The following KANSL1L variants were observed in gnomAD, a reference collection of about 807,000 sequenced individuals.
KANSL1L encodes KAT8 regulatory NSL complex subunit 1 like.
In KANSL1L, 25 loss-of-function variants were observed where a neutral mutation model predicts 108.6. The ratio of observed to expected loss-of-function variants is 0.23; its 90% CI spans 0.17 to 0.32. The LOEUF is 0.32. Ranked by LOEUF, KANSL1L falls within the 10% of genes least tolerant of loss-of-function variation. The pLI is 1.00. For synonymous variants in KANSL1L, 405 were observed against 395.1 expected, an observed-to-expected ratio of 1.03 and a Z score of -0.30; for missense variants, 1,137 against 1,125.7, an observed-to-expected ratio of 1.01 and a Z score of -0.14.
intron 8 of KANSL1L, among the ~76,000 whole-genome samples, chr2:210,039,786 G>A (rs2094144656): frequency 6.6e-6 from 1 of 151,760 alleles, no homozygotes; most frequent in African/African-American, 2.4e-5. Flanking sequence ...CATTAAATGA[G>A]TATGTAAAAG....
rs374282159 is a variant in KANSL1L at position 210,025,294 on chromosome 2, C to T, written c.2452-78G>A. The T allele has an allele frequency of 4.9e-4, 405 of 828,878 alleles. 3 individuals carry two copies. The African/African-American group carries it at 6.2e-3, about 13-fold the overall frequency. 51.3% of individuals were successfully genotyped at this position (828,878 alleles called of 1,614,324 possible). A position where few individuals can be genotyped will look rare whatever the true frequency, so the allele number is the denominator to read the frequency against. On this transcript the variant is annotated intron_variant, in intron 12 of 14. Transcript: ENST00000281772. Reference sequence around the variant, plus strand: ...AGATCAGGCTGGGCACGGTGGCTCACGCCTGTAATCCCAACACTTTGGAAG... The same window carrying T: ...AGATCAGGCTGGGCACGGTGGCTCATGCCTGTAATCCCAACACTTTGGAAG...
At chr2:210,056,321 C>T (rs1051800776) in intron 6 of KANSL1L, among the ~76,000 whole-genome samples, 1 of 152,204 alleles carries the variant, frequency 6.6e-6, no homozygotes, top group African/African-American at 2.4e-5. Flanking sequence ...GCAAATTGCA[C>T]TGTAAAAGGA....
Position 210,098,193 on chromosome 2 carries a change from A to T in KANSL1L, c.1443T>A (p.Thr481=). 3.1e-6 allele frequency: 5 copies of T among 1,611,966 alleles called. No homozygotes were observed. Among genetic ancestry groups the T allele is most frequent in the South Asian group, 1.1e-5 (1 of 90,840 alleles). ...GGGCAATCAAACTGTTGATGATCTCAGTCAACTGTGCACTCTGCAAGGAAA... is the reference window on the plus strand; with the variant it reads ...GGGCAATCAAACTGTTGATGATCTCTGTCAACTGTGCACTCTGCAAGGAAA... ...RNIEKQSAQL[T]EIINSLIAPL... The change falls in exon 5 of 15, where the codon ACT becomes ACA. Residue 481 remains threonine (T), a synonymous_variant. Coordinates refer to ENST00000281772, the MANE Select transcript of KANSL1L (RefSeq NM_152519.4).
At position 210,104,180 on chromosome 2, in the gene KANSL1L, T is replaced by C; in HGVS notation, c.1352A>G (p.Gln451Arg). Residue 451 changes from glutamine (Q) to arginine (R), a missense_variant, in exon 4 of 15, where the codon CAA (glutamine) becomes CGA (arginine). Physicochemically the swap from Gln to Arg is conservative, Grantham distance 43 (BLOSUM62 1). This residue lies in a region of KANSL1L where 556 missense variants were observed against 537.7 expected (regional missense o/e 1.03). Transcript: ENST00000281772. ...AAAATCTTGTTCCGGTACAGGATCT[T>C]GACACTCCTGGGGAACCTGAGGATT... The part of the protein sequence containing the change: ...LGNPQVPQEC[Q>R]DPVPEQDFEM... The C allele has an allele frequency of 6.2e-7, 1 of 1,613,992 alleles. No individual in the cohort carries two copies. Among genetic ancestry groups the C allele is most frequent in the East Asian group, 2.2e-5 (1 of 44,848 alleles).
intron 5 of KANSL1L, among the ~76,000 whole-genome samples, chr2:210,078,612 T>C (rs1328563833): frequency 6.6e-6 from 1 of 152,190 alleles, no homozygotes; most frequent in East Asian, 1.9e-4. Context: ...CCATAAATAA[T>C]GGATGAAGGT....
intron 3 of KANSL1L, among the ~76,000 whole-genome samples, chr2:210,118,170 A>AAC (rs1206965260): frequency 6.7e-6 from 1 of 149,612 alleles, no homozygotes. Flanking sequence ...CCATCTCAAA[A>AAC]AAAAAAAAAA....
rs2723205 is a variant in KANSL1L, at chr2:210,033,556, G to A, written c.2030-2010C>T. Among the ~76,000 whole-genome samples the A allele has an allele frequency of 7.8e-3, 1,188 of 152,234 alleles. 62 individuals carry two copies. The East Asian group carries it at 0.14, about 18-fold the overall frequency. ...AAGTTGATTTTTTTTTTGAGACGGA[G>A]TCTCGCTCTGTCTCCCAGGCTGGAG... On this transcript the variant is annotated intron_variant, in intron 8 of 14. Transcript: ENST00000281772.
At chr2:210,052,633 C>CT (rs1258511092) in intron 6 of KANSL1L, among the ~76,000 whole-genome samples, 1 of 152,152 alleles carries the variant, frequency 6.6e-6, no homozygotes, top group Non-Finnish European at 1.5e-5. Flanking sequence ...TATCTCCTTA[C>CT]TTTAGTTCTA....
At position 210,092,139 on chromosome 2, in the gene KANSL1L, A is replaced by G. The variant is rs556609654; in HGVS notation, c.1550+5947T>C. ...TCACATTTCCTATATGTCCAGAGGT[A>G]GATTTCTTTTTAGTTGTCCTGATCC... is the stretch of plus-strand genomic sequence containing the variant. On this transcript the variant is annotated intron_variant, in intron 5 of 14. Transcript: ENST00000281772. Among the ~76,000 whole-genome samples, 5 of 152,108 alleles carry G rather than the reference A, an allele frequency of 3.3e-5. No homozygotes were observed. The South Asian group carries it at 8.3e-4, about 25-fold the overall frequency.
chr2:210,100,939 C>A (rs564293791), intron 4 of KANSL1L, among the ~76,000 whole-genome samples: 2 of 152,254 alleles, frequency 1.3e-5, no homozygotes, highest in South Asian at 2.1e-4. Context: ...TGCCCGGCCA[C>A]CAAGTATTTA....
chr2:210,062,398 G>A (rs565469377), intron 6 of KANSL1L, among the ~76,000 whole-genome samples: 16 of 152,304 alleles, frequency 1.1e-4, no homozygotes, highest in African/African-American at 3.4e-4. Context: ...GATTAATACA[G>A]TAAATTGGTA....
chr2:210,069,518 T>C (rs1013022312), intron 6 of KANSL1L, among the ~76,000 whole-genome samples: 4 of 152,072 alleles, frequency 2.6e-5, no homozygotes, highest in Admixed American at 6.5e-5. Flanking sequence ...AAACTCTGTA[T>C]AAGTTTCCTA....
chr2:210,105,257 T>C (rs1575538921), intron 3 of KANSL1L, among the ~76,000 whole-genome samples: 1 of 149,826 alleles, frequency 6.7e-6, no homozygotes, highest in Middle Eastern at 3.5e-3. Flanking sequence ...ATATATACCA[T>C]ATATATATTA....
At chr2:210,098,969 T>C (rs73007228) in intron 4 of KANSL1L, among the ~76,000 whole-genome samples, 3,955 of 151,976 alleles carry the variant, frequency 0.026, 74 homozygotes, top group Non-Finnish European at 0.039. Context: ...GAATAGTACA[T>C]TTCTACAAAA....
rs547296260 is a variant in KANSL1L, at chr2:210,130,349, T to C, written c.1089-1177A>G. Among the ~76,000 whole-genome samples, 15 of 152,352 alleles carry C rather than the reference T, an allele frequency of 9.8e-5. No homozygotes were observed. In the South Asian group the frequency reaches 3.1e-3, roughly 32 times the overall value. ...TCTAAAAAATAGTTTATTAATTTTT[T>C]AAAATGCACTGGACCATAATGGAAT... On this transcript the variant is annotated intron_variant, in intron 2 of 14. Coordinates refer to ENST00000281772, the MANE Select transcript of KANSL1L (RefSeq NM_152519.4).
chr2:210,147,125 T>G (rs974902975), intron 2 of KANSL1L, among the ~76,000 whole-genome samples: 3 of 152,224 alleles, frequency 2.0e-5, no homozygotes, highest in Admixed American at 6.5e-5. Flanking sequence ...TTATTTTAAT[T>G]GAAGTACTAC....
chr2:210,125,323 C>A (rs2095056762), intron 3 of KANSL1L, among the ~76,000 whole-genome samples: 1 of 152,072 alleles, frequency 6.6e-6, no homozygotes, highest in Non-Finnish European at 1.5e-5. Context: ...AATTAGTAAT[C>A]AAAAATCTCT....
rs182639970 is a variant in KANSL1L, at chr2:210,021,480, C to A, written c.*1469G>T. 136 of 152,604 alleles carry A rather than the reference C, an allele frequency of 8.9e-4. No individual in the cohort carries two copies. The highest frequency in any genetic ancestry group is 3.2e-3 in the African/African-American group (133 of 41,546). The allele number at this position is 152,604 out of a possible 1,614,324, so 9.5% of individuals were successfully genotyped here. On this transcript the variant is annotated 3_prime_UTR_variant, in exon 15 of 15. Coordinates refer to ENST00000281772, the MANE Select transcript of KANSL1L (RefSeq NM_152519.4). ...TAGAAGATTATAATATCAGACGTGACAAAGATTTGAGTTTATTTGCCTGGA... is the reference window on the plus strand; with the variant it reads ...TAGAAGATTATAATATCAGACGTGAAAAAGATTTGAGTTTATTTGCCTGGA...
chr2:210,117,165 C>T (rs902582993), intron 3 of KANSL1L, among the ~76,000 whole-genome samples: 7 of 151,980 alleles, frequency 4.6e-5, no homozygotes, highest in African/African-American at 1.7e-4. Flanking sequence ...AATTACTGAG[C>T]TTGAAGACAG....
Sources: allele counts gnomAD v4.1 joint callset (sites outside exome capture counted in the v4.1 genomes callset), GRCh38; gene constraint gnomAD v4.1.1; regional missense constraint gnomAD v4.1.1; transcripts MANE v1.5; gene names NCBI Gene and HGNC (gene_info 2026-07-23, HGNC 2026-07-21).